PHF14: variants seen among roughly 807,000 people sequenced by gnomAD.
PHF14 encodes PHD finger protein 14.
PHF14 carries 55 observed loss-of-function variants against 117.9 expected under a neutral mutation model. That is an observed-to-expected ratio of 0.47 (90% CI 0.38 to 0.58). The LOEUF (loss-of-function observed/expected upper bound fraction) is 0.58, where lower values mean the gene tolerates loss of function less well. PHF14 is among the 20% of genes least tolerant of loss of function. PHF14 has a pLI of 0.00. For synonymous variants in PHF14, 409 were observed against 368.6 expected (o/e 1.11, Z -1.26); for missense variants, 978 against 1,122.2 (o/e 0.87, Z 1.84).
chr7:11,023,428 T>C (rs1412106093), intron 6 of PHF14, among the ~76,000 whole-genome samples: 1 of 152,164 alleles, frequency 6.6e-6, no homozygotes, highest in Non-Finnish European at 1.5e-5. Context: ...GTGAACTTAA[T>C]TGATATATGT....
chr7:11,062,073 A>C lies in PHF14; in HGVS notation c.2642A>C (p.Glu881Ala), dbSNP rs747850121. The C allele has an allele frequency of 4.4e-6, 7 of 1,607,614 alleles. No individual in the cohort carries two copies. Among genetic ancestry groups the C allele is most frequent in the Non-Finnish European group, 5.9e-6 (7 of 1,176,882 alleles). Residue 881 changes from glutamate to alanine, a missense_variant, in exon 16 of 18, where the codon GAA becomes GCA. Physicochemically the swap from Glu to Ala is moderately radical, Grantham distance 107. Transcript: ENST00000634607. ...CATCKGTGDN[E>A]NLVRCDECRL... is the part of the protein sequence containing the mutation. ...ACTTGCAAGGGAACTGGAGACAATG[A>C]AAATCTTGTCAGGTAAGTTGGATGC... is the stretch of plus-strand genomic sequence containing the variant.
intron 16 of PHF14, chr7:11,111,109 TTCTAA>T: frequency 2.6e-6 from 1 of 384,454 alleles, no homozygotes; most frequent in East Asian, 4.5e-5. Context: ...ACTGTCAGTG[TTCTAA>T]ATATTTGTTT....
At chr7:11,026,017 C>T (rs1177946063) in intron 6 of PHF14, among the ~76,000 whole-genome samples, 3 of 151,124 alleles carry the variant, frequency 2.0e-5, no homozygotes, top group African/African-American at 4.9e-5. Flanking sequence ...GAAGCTGAGG[C>T]AGGAGAATCA....
At chr7:11,136,820 C>T (rs1333354624) in intron 17 of PHF14, among the ~76,000 whole-genome samples, 1 of 152,080 alleles carries the variant, frequency 6.6e-6, no homozygotes, top group African/African-American at 2.4e-5. Context: ...TAAGACCAAA[C>T]ATTTGTGGTC....
chr7:11,032,052 A>G (rs895167533), intron 7 of PHF14, among the ~76,000 whole-genome samples: 7 of 152,098 alleles, frequency 4.6e-5, no homozygotes, highest in African/African-American at 1.7e-4. Context: ...GGCTGGCCTC[A>G]AGAGGATTTT....
intron 17 of PHF14, among the ~76,000 whole-genome samples, chr7:11,119,548 G>A (rs1787690837): frequency 6.6e-6 from 1 of 151,692 alleles, no homozygotes; most frequent in African/African-American, 2.4e-5. Context: ...TCTCACAATT[G>A]TGAAAATATC....
In PHF14 at chr7:11,038,774, A is replaced by G. The variant is rs1177823058; in HGVS notation, c.1995A>G (p.Leu665=). 1.3e-6 allele frequency: 2 copies of G among 1,565,362 alleles called. No homozygotes were observed. The highest frequency in any genetic ancestry group is 1.7e-6 in the Non-Finnish European group (2 of 1,144,556). The change falls in exon 11 of 18, where the codon TTA becomes TTG. Residue 665 remains leucine (L), a synonymous_variant. Transcript: ENST00000634607. ...HVEYNKLCES[L]EELQNLNGKL... is the part of the protein sequence containing the mutation. Reference sequence around the variant, plus strand: ...TTACTTTGTAGCTATGTGAATCTTTAGAAGAACTACAAAACCTGAATGGAA... The same window carrying G: ...TTACTTTGTAGCTATGTGAATCTTTGGAAGAACTACAAAACCTGAATGGAA...
intron 16 of PHF14, among the ~76,000 whole-genome samples, chr7:11,100,452 A>G (rs1048482019): frequency 1.3e-5 from 2 of 152,008 alleles, no homozygotes; most frequent in African/African-American, 4.8e-5. Context: ...ACTGGGGTAC[A>G]TAGACACTAA....
intron 6 of PHF14, among the ~76,000 whole-genome samples, chr7:11,026,109 CA>C (rs142566001): frequency 0.39 from 21,448 of 55,586 alleles, 2,604 homozygotes; most frequent in African/African-American, 0.5. Flanking sequence ...GAGACTCCAT[CA>C]AAAAAAAAAA....
intron 5 of PHF14, among the ~76,000 whole-genome samples, chr7:11,016,763 T>C (rs796220791): frequency 1.2e-4 from 19 of 152,306 alleles, no homozygotes; most frequent in African/African-American, 4.1e-4. Context: ...CCTCTTTAAG[T>C]TATTTTTAAG....
chr7:11,089,661 A>G (rs1786563209), intron 16 of PHF14, among the ~76,000 whole-genome samples: 1 of 152,158 alleles, frequency 6.6e-6, no homozygotes, highest in African/African-American at 2.4e-5. Context: ...TATTATGAGT[A>G]GAAGAGGAGA....
intron 6 of PHF14, among the ~76,000 whole-genome samples, chr7:11,025,861 C>T (rs762736929): frequency 1.3e-5 from 2 of 152,016 alleles, no homozygotes; most frequent in South Asian, 2.1e-4. Context: ...CCTGTAATCC[C>T]GACACTTTGG....
intron 14 of PHF14, among the ~76,000 whole-genome samples, chr7:11,056,738 G>T (rs1785033319): frequency 6.7e-6 from 1 of 149,120 alleles, no homozygotes; most frequent in Non-Finnish European, 1.5e-5. Flanking sequence ...ATATTTTTTA[G>T]AAATTATATT....
At chr7:10,986,011 T>C (rs1640712) in intron 3 of PHF14, among the ~76,000 whole-genome samples, 102,819 of 151,262 alleles carry the variant, frequency 0.68, 35,593 homozygotes, top group African/African-American at 0.79. Flanking sequence ...CTTTGTTTCC[T>C]GGACTGGGGT....
At chr7:11,081,450 A>G (rs1422255033) in intron 16 of PHF14, among the ~76,000 whole-genome samples, 1 of 152,216 alleles carries the variant, frequency 6.6e-6, no homozygotes, top group Non-Finnish European at 1.5e-5. Context: ...GGTTAAATAA[A>G]TTAATAATAT....
intron 3 of PHF14, among the ~76,000 whole-genome samples, chr7:10,986,737 G>C (rs573045177): frequency 6.6e-6 from 1 of 152,280 alleles, no homozygotes; most frequent in African/African-American, 2.4e-5. Context: ...TTAGTTTTCT[G>C]AGGTAAGTTT....
At chr7:11,074,315 A>G (rs948465132) in intron 16 of PHF14, among the ~76,000 whole-genome samples, 5 of 150,502 alleles carry the variant, frequency 3.3e-5, no homozygotes, top group Non-Finnish European at 4.4e-5. Flanking sequence ...GGTTCATACC[A>G]TTCTCCTGCC....
At chr7:11,057,540 G>A (rs191653977) in intron 14 of PHF14, among the ~76,000 whole-genome samples, 27 of 151,996 alleles carry the variant, frequency 1.8e-4, no homozygotes, top group African/African-American at 6.3e-4. Context: ...ACGTCCGGCT[G>A]AGTTTTGTAT....
chr7:11,109,741 T>C (rs1326326064), intron 16 of PHF14: 1 of 151,904 alleles, frequency 6.6e-6, no homozygotes, highest in Non-Finnish European at 1.5e-5. Context: ...TATTTGAACA[T>C]TTTAACTGCT....
Sources: gnomAD v4.1 joint callset for allele counts (sites outside exome capture counted in the v4.1 genomes callset) on GRCh38, gnomAD v4.1.1 for gene constraint, MANE v1.5 for transcripts, NCBI Gene and HGNC (gene_info 2026-07-23, HGNC 2026-07-21) for gene names.